DCPH1: variants seen among roughly 807,000 people sequenced by gnomAD.
The protein encoded by DCPH1 is damage control phosphatase 1, also known as damage-control phosphatase 1.
the DCPH1 span, chr6:151,469,373 A>G: frequency 2.9e-6 from 1 of 345,088 alleles, no homozygotes; most frequent in Non-Finnish European, 5.1e-6. Flanking sequence ...CAGGTTAAAT[A>G]TATAATTTCA....
chr6:151,468,492 C>G, the DCPH1 span: 1 of 1,613,582 alleles, frequency 6.2e-7, no homozygotes, highest in South Asian at 1.1e-5. Flanking sequence ...TTAGCAATTG[C>G]AAGAAAACAA....
At chr6:151,455,870 C>T in the DCPH1 span, among the ~76,000 whole-genome samples, 1 of 152,288 alleles carries the variant, frequency 6.6e-6, no homozygotes, top group Non-Finnish European at 1.5e-5. Flanking sequence ...AGGCAGAGGT[C>T]CCTGCGGCCT....
At chr6:151,462,269 T>C in the DCPH1 span, among the ~76,000 whole-genome samples, 1 of 152,224 alleles carries the variant, frequency 6.6e-6, no homozygotes, top group Non-Finnish European at 1.5e-5. Context: ...AAGAACATAC[T>C]TGTGTACCCA....
the DCPH1 span, among the ~76,000 whole-genome samples, chr6:151,457,243 G>A: frequency 6.6e-6 from 1 of 152,200 alleles, no homozygotes; most frequent in Non-Finnish European, 1.5e-5. Context: ...TTGGAGACAG[G>A]ACCAGGCTTT....
chr6:151,458,834 G>A, the DCPH1 span, among the ~76,000 whole-genome samples: 2,350 of 152,266 alleles, frequency 0.015, 72 homozygotes, highest in African/African-American at 0.053. Flanking sequence ...AGACATAAGA[G>A]TAAATATCTA....
At chr6:151,452,506 A>T in the DCPH1 span, 1 of 1,608,902 alleles carries the variant, frequency 6.2e-7, no homozygotes. Flanking sequence ...TTCTGCGGCG[A>T]TTGAACAGCC....
chr6:151,457,835 T>C, the DCPH1 span, among the ~76,000 whole-genome samples: 1 of 152,172 alleles, frequency 6.6e-6, no homozygotes, highest in South Asian at 2.1e-4. Context: ...TCTGATCCCA[T>C]TACATTTGTC....
chr6:151,457,819 C>T, the DCPH1 span, among the ~76,000 whole-genome samples: 8 of 151,930 alleles, frequency 5.3e-5, no homozygotes, highest in African/African-American at 1.2e-4. Flanking sequence ...GTCATTTTCA[C>T]TTCATTCTGA....
chr6:151,458,381 T>C, the DCPH1 span: 27 of 1,613,534 alleles, frequency 1.7e-5, no homozygotes, highest in African/African-American at 2.8e-4. Flanking sequence ...AATTACGGAA[T>C]GAATTGCAAA....
chr6:151,465,789 T>G, the DCPH1 span, among the ~76,000 whole-genome samples: 4 of 152,196 alleles, frequency 2.6e-5, no homozygotes, highest in Admixed American at 2.6e-4. Flanking sequence ...AGAGCCTGGG[T>G]GTTCTTTGAA....
the DCPH1 span, among the ~76,000 whole-genome samples, chr6:151,459,365 A>G: frequency 6.6e-6 from 1 of 152,252 alleles, no homozygotes; most frequent in African/African-American, 2.4e-5. Context: ...CTATTGTATT[A>G]TAGTCTTAAT....
chr6:151,464,738 G>T, the DCPH1 span: 1 of 633,372 alleles, frequency 1.6e-6, no homozygotes, highest in Admixed American at 4.0e-5. Context: ...TTATCTAGTG[G>T]TGTTAAAAGA....
the DCPH1 span, among the ~76,000 whole-genome samples, chr6:151,464,234 C>T: frequency 4.6e-5 from 7 of 151,794 alleles, no homozygotes; most frequent in Non-Finnish European, 7.4e-5. Context: ...CAGAAAAATA[C>T]TTGATTTGGG....
At chr6:151,455,580 G>A in the DCPH1 span, among the ~76,000 whole-genome samples, 1 of 152,248 alleles carries the variant, frequency 6.6e-6, no homozygotes, top group Non-Finnish European at 1.5e-5. Flanking sequence ...CTGCCCGCAT[G>A]TCCCACCTCC....
At chr6:151,458,683 G>C in the DCPH1 span, 1 of 859,134 alleles carries the variant, frequency 1.2e-6, no homozygotes, top group Non-Finnish European at 1.8e-6. Context: ...ATTTGGTTGA[G>C]TTTAGCAAAT....
chr6:151,468,399 T>C, the DCPH1 span: 1 of 1,590,840 alleles, frequency 6.3e-7, no homozygotes, highest in Non-Finnish European at 8.5e-7. Flanking sequence ...AAAGTAGTTC[T>C]CAGAATACCA....
chr6:151,459,413 A>C, the DCPH1 span, among the ~76,000 whole-genome samples: 3 of 152,022 alleles, frequency 2.0e-5, no homozygotes, highest in African/African-American at 7.3e-5. Flanking sequence ...TTAGAAAAAG[A>C]TTTTAAAAGT....
chr6:151,462,358 T>C, the DCPH1 span, among the ~76,000 whole-genome samples: 4 of 152,190 alleles, frequency 2.6e-5, no homozygotes, highest in African/African-American at 9.7e-5. Flanking sequence ...CCTTCATTAC[T>C]CCTCAAGGAT....
At chr6:151,456,061 T>G in the DCPH1 span, among the ~76,000 whole-genome samples, 2 of 152,190 alleles carry the variant, frequency 1.3e-5, no homozygotes, top group Admixed American at 1.3e-4. Context: ...GGGGGTAAGG[T>G]TATAGATTAA....
Sources: allele counts gnomAD v4.1 joint callset (sites outside exome capture counted in the v4.1 genomes callset), GRCh38; gene constraint gnomAD v4.1.1; transcripts MANE v1.5; gene names NCBI Gene and HGNC (gene_info 2026-07-23, HGNC 2026-07-21).